CFAP54: variants seen among roughly 807,000 people sequenced by gnomAD.
CFAP54 encodes cilia and flagella associated protein 54.
Under a neutral mutation model 370.4 loss-of-function variants are expected in CFAP54, and 290 were observed. The observed-to-expected ratio is 0.78, with a 90% confidence interval of 0.71 to 0.86. The LOEUF (loss-of-function observed/expected upper bound fraction) is 0.86. Among genes scored for constraint, CFAP54 ranks in the 40% least tolerant of loss-of-function variants. The pLI is 0.00. For missense variants in CFAP54, 3,399 were observed against 3,528.7 expected (o/e 0.96, Z 0.93); for synonymous variants, 1,206 against 1,236.5 (o/e 0.98, Z 0.52).
chr12:96,684,303 C>T (rs573713279), intron 40 of CFAP54, among the ~76,000 whole-genome samples: 176 of 152,282 alleles, frequency 1.2e-3, no homozygotes, highest in African/African-American at 4.0e-3. Flanking sequence ...CTCCAGAAAA[C>T]TATACTCCAG....
At chr12:96,766,683 A>G (rs965147374) in intron 60 of CFAP54, among the ~76,000 whole-genome samples, 1 of 152,208 alleles carries the variant, frequency 6.6e-6, no homozygotes, top group African/African-American at 2.4e-5. Flanking sequence ...CCGTAGACTG[A>G]GAGATTAGTC....
intron 47 of CFAP54, among the ~76,000 whole-genome samples, chr12:96,707,719 C>T (rs902492372): frequency 2.6e-5 from 4 of 151,992 alleles, no homozygotes; most frequent in African/African-American, 9.7e-5. Context: ...GTAATGCCAG[C>T]CTTAGGTAGC....
At chr12:96,513,523 T>C (rs1407606327) in intron 5 of CFAP54, among the ~76,000 whole-genome samples, 1 of 152,158 alleles carries the variant, frequency 6.6e-6, no homozygotes, top group Non-Finnish European at 1.5e-5. Flanking sequence ...GGCAGATCAC[T>C]TGAGGCCAGG....
intron 19 of CFAP54, among the ~76,000 whole-genome samples, chr12:96,567,659 G>A (rs767126486): frequency 6.6e-6 from 1 of 152,028 alleles, no homozygotes; most frequent in Non-Finnish European, 1.5e-5. Context: ...AGAAATATTG[G>A]TCTTACTACT....
At chr12:96,646,775 A>G (rs1956798134) in intron 33 of CFAP54, 1 of 152,254 alleles carries the variant, frequency 6.6e-6, no homozygotes, top group South Asian at 2.1e-4. Flanking sequence ...TGCAGCCATA[A>G]AAAATGATGA....
At chr12:96,746,471 C>T (rs985983401) in intron 55 of CFAP54, among the ~76,000 whole-genome samples, 1 of 152,130 alleles carries the variant, frequency 6.6e-6, no homozygotes, top group Non-Finnish European at 1.5e-5. Flanking sequence ...AGTTTTCAGA[C>T]CCTCCAAAGC....
At chr12:96,821,188 C>CA in intron 65 of CFAP54, among the ~76,000 whole-genome samples, 1 of 152,156 alleles carries the variant, frequency 6.6e-6, no homozygotes, top group Non-Finnish European at 1.5e-5. Flanking sequence ...TGAGAGTCAC[C>CA]AAAACATCCT....
chr12:96,639,255 C>T (rs1407475678), intron 32 of CFAP54, among the ~76,000 whole-genome samples: 2 of 152,044 alleles, frequency 1.3e-5, no homozygotes, highest in East Asian at 1.9e-4. Flanking sequence ...ATATCACCAC[C>T]GATCCCACAG....
In CFAP54 at chr12:96,655,039, T is replaced by A. The variant is rs79127739; in HGVS notation, c.5101-2843T>A. On this transcript the variant is annotated intron_variant, in intron 36 of 67. Coordinates refer to ENST00000524981, the MANE Select transcript of CFAP54 (RefSeq NM_001306084.2). ...AAAAAAATGTGAATGGCCAAAAAAA[T>A]TTTTTTTTAAAAGAACAAATTGGAG... is the stretch of plus-strand genomic sequence containing the variant. Among the ~76,000 whole-genome samples, 571 of 142,240 alleles carry A rather than the reference T, an allele frequency of 4.0e-3. 2 individuals are homozygous for A. The highest frequency in any genetic ancestry group is 7.0e-3 in the Non-Finnish European group (443 of 62,950). 93.3% of individuals were successfully genotyped at this position (142,240 alleles called of 152,430 possible).
At chr12:96,641,101 C>T (rs539700106) in intron 32 of CFAP54, among the ~76,000 whole-genome samples, 10 of 152,278 alleles carry the variant, frequency 6.6e-5, no homozygotes, top group African/African-American at 2.2e-4. Flanking sequence ...TAAAGAGCTT[C>T]TGCACAGCAA....
At chr12:96,673,870 A>G (rs1440219020) in intron 39 of CFAP54, among the ~76,000 whole-genome samples, 1 of 152,240 alleles carries the variant, frequency 6.6e-6, no homozygotes, top group Non-Finnish European at 1.5e-5. Flanking sequence ...ATTATTTAAC[A>G]GCATCCTATT....
At chr12:96,714,987 T>G (rs1957658747) in intron 48 of CFAP54, among the ~76,000 whole-genome samples, 1 of 152,108 alleles carries the variant, frequency 6.6e-6, no homozygotes, top group Non-Finnish European at 1.5e-5. Context: ...AATGACAAGT[T>G]GAAGGGCAGA....
intron 19 of CFAP54, among the ~76,000 whole-genome samples, chr12:96,572,238 A>G (rs1389594608): frequency 6.6e-6 from 1 of 152,200 alleles, no homozygotes; most frequent in Non-Finnish European, 1.5e-5. Flanking sequence ...GTAACATATT[A>G]TGTAATACCT....
intron 39 of CFAP54, among the ~76,000 whole-genome samples, chr12:96,669,519 G>A (rs188389617): frequency 6.6e-6 from 1 of 152,290 alleles, no homozygotes; most frequent in African/African-American, 2.4e-5. Context: ...GGAGGGGACA[G>A]ATGTGAAGGA....
chr12:96,590,036 C>G (rs193154057), intron 23 of CFAP54, among the ~76,000 whole-genome samples: 28 of 152,322 alleles, frequency 1.8e-4, no homozygotes, highest in Non-Finnish European at 2.9e-4. Context: ...CATAAGCCAC[C>G]ATGCCCGGCC....
intron 17 of CFAP54, among the ~76,000 whole-genome samples, chr12:96,558,969 A>G (rs1172075092): frequency 6.6e-6 from 1 of 152,156 alleles, no homozygotes; most frequent in East Asian, 1.9e-4. Flanking sequence ...TAATCCCAGC[A>G]CTCTGGGAGT....
intron 39 of CFAP54, among the ~76,000 whole-genome samples, chr12:96,664,697 C>CTA (rs377611594): frequency 5.3e-5 from 4 of 76,048 alleles, no homozygotes; most frequent in Non-Finnish European, 1.0e-4. Flanking sequence ...GGGTATATAT[C>CTA]TATATATATA....
At chr12:96,862,467 G>A (rs1181467197) in intron 67 of CFAP54, among the ~76,000 whole-genome samples, 6 of 152,084 alleles carry the variant, frequency 3.9e-5, no homozygotes, top group Non-Finnish European at 8.8e-5. Flanking sequence ...AAGTGACTGA[G>A]GAGAGAAGTG....
chr12:96,659,564 T>G (rs1322796425), intron 38 of CFAP54, among the ~76,000 whole-genome samples: 2 of 152,252 alleles, frequency 1.3e-5, no homozygotes, highest in Non-Finnish European at 2.9e-5. Context: ...CCAACGCAAT[T>G]ATAAAATATC....
Sources: allele counts gnomAD v4.1 joint callset (sites outside exome capture counted in the v4.1 genomes callset), GRCh38; gene constraint gnomAD v4.1.1; transcripts MANE v1.5; gene names NCBI Gene and HGNC (gene_info 2026-07-23, HGNC 2026-07-21).